The following MARCHF11 variants were observed in gnomAD, a reference collection of about 807,000 sequenced individuals.
MARCHF11 encodes E3 ubiquitin-protein ligase MARCHF11.
In MARCHF11, 29 loss-of-function variants were observed where a neutral mutation model predicts 37.3. That is an observed-to-expected ratio of 0.78 (90% CI 0.58 to 1.06). MARCHF11 has a LOEUF of 1.06. MARCHF11 is among the 50% of genes least tolerant of loss of function. The pLI, the probability that MARCHF11 is intolerant of heterozygous loss-of-function variation, is 0.00. For missense variants in MARCHF11, 482 were observed against 533.4 expected, an observed-to-expected ratio of 0.90 and a Z score of 0.95; for synonymous variants, 233 against 228.0, an observed-to-expected ratio of 1.02 and a Z score of -0.20.
At chr5:16,146,513 G>A (rs1204621333) in intron 2 of MARCHF11, among the ~76,000 whole-genome samples, 1 of 152,104 alleles carries the variant, frequency 6.6e-6, no homozygotes, top group Non-Finnish European at 1.5e-5. Flanking sequence ...ACAGTAGAAA[G>A]ACCCTGGGAC....
intron 2 of MARCHF11, among the ~76,000 whole-genome samples, chr5:16,104,378 T>C (rs1409085709): frequency 2.6e-5 from 4 of 152,174 alleles, no homozygotes; most frequent in Non-Finnish European, 4.4e-5. Context: ...TAAAATATTC[T>C]ATAACTGTGT....
At chr5:16,101,454 C>G (rs1560974948) in intron 2 of MARCHF11, among the ~76,000 whole-genome samples, 1 of 152,184 alleles carries the variant, frequency 6.6e-6, no homozygotes, top group Non-Finnish European at 1.5e-5. Context: ...TGTCTCATAA[C>G]AAAAGCAGGT....
intron 2 of MARCHF11, among the ~76,000 whole-genome samples, chr5:16,128,515 G>A (rs974581124): frequency 1.3e-5 from 2 of 152,152 alleles, no homozygotes; most frequent in African/African-American, 4.8e-5. Flanking sequence ...GATGGGGAAG[G>A]GTTTAAAGTT....
rs1736363204 is a variant in MARCHF11 at position 16,067,241 on chromosome 5, T to C, written c.*230A>G. The C allele has an allele frequency of 2.2e-6, 1 of 460,854 alleles. No homozygotes were observed. Among genetic ancestry groups the C allele is most frequent in the African/African-American group, 2.0e-5 (1 of 50,802 alleles). The allele number at this position is 460,854 out of a possible 1,614,324, so 28.5% of individuals were successfully genotyped here. ...TAACCAAGTATAGTTAAATTATATG[T>C]ATAATGATTTCAAGTACCAACTTAT... On this transcript the variant is annotated 3_prime_UTR_variant, in exon 4 of 4. Transcript: ENST00000332432.
At chr5:16,144,658 T>C (rs1737772440) in intron 2 of MARCHF11, among the ~76,000 whole-genome samples, 1 of 152,110 alleles carries the variant, frequency 6.6e-6, no homozygotes, top group African/African-American at 2.4e-5. Flanking sequence ...CAGATATGAG[T>C]CACATGGCTC....
chr5:16,122,175 A>C (rs1211060629), intron 2 of MARCHF11, among the ~76,000 whole-genome samples: 1 of 152,176 alleles, frequency 6.6e-6, no homozygotes, highest in African/African-American at 2.4e-5. Flanking sequence ...CCAATGCCTT[A>C]TTCAGAAATT....
intron 2 of MARCHF11, among the ~76,000 whole-genome samples, chr5:16,109,117 C>CACAT (rs1310809748): frequency 1.6e-4 from 25 of 151,736 alleles, no homozygotes; most frequent in African/African-American, 6.0e-4. Flanking sequence ...CACACACACA[C>CACAT]ACACACACAC....
chr5:16,162,083 T>C (rs1289074699), intron 2 of MARCHF11, among the ~76,000 whole-genome samples: 3 of 152,190 alleles, frequency 2.0e-5, no homozygotes, highest in African/African-American at 7.2e-5. Flanking sequence ...TTTGAAATCC[T>C]AATGCTTTGA....
intron 1 of MARCHF11, 41 bp downstream of exon 1, chr5:16,178,998 G>A: frequency 7.2e-7 from 1 of 1,390,026 alleles, no homozygotes; most frequent in Non-Finnish European, 9.3e-7. Context: ...GGCGCGAGCT[G>A]GAGCCGCCAC....
intron 1 of MARCHF11, 68 bp from the exon 2 acceptor site, chr5:16,177,949 T>C: frequency 6.9e-7 from 1 of 1,447,712 alleles, no homozygotes; most frequent in South Asian, 1.5e-5. Context: ...TAATGCTTCC[T>C]TTCTTTTCTT....
At chr5:16,103,853 G>A (rs553654281) in intron 2 of MARCHF11, among the ~76,000 whole-genome samples, 234 of 152,116 alleles carry the variant, frequency 1.5e-3, no homozygotes, top group Non-Finnish European at 2.9e-3. Context: ...CAGATGAGAC[G>A]CCATGTGGAG....
intron 2 of MARCHF11, among the ~76,000 whole-genome samples, chr5:16,157,011 C>G (rs938180812): frequency 6.6e-6 from 1 of 151,874 alleles, no homozygotes; most frequent in African/African-American, 2.4e-5. Flanking sequence ...AATTAATATG[C>G]TCTACATTTT....
intron 2 of MARCHF11, among the ~76,000 whole-genome samples, chr5:16,144,739 A>C (rs963228288): frequency 8.5e-5 from 13 of 152,198 alleles, no homozygotes; most frequent in African/African-American, 2.9e-4. Flanking sequence ...TAAGTATATC[A>C]CTTCACAGTG....
At chr5:16,093,322 A>G (rs1224576885) in intron 2 of MARCHF11, among the ~76,000 whole-genome samples, 2 of 152,198 alleles carry the variant, frequency 1.3e-5, no homozygotes, top group Admixed American at 6.5e-5. Flanking sequence ...GTAAATTTGA[A>G]TAGCTCAAAA....
intron 2 of MARCHF11, among the ~76,000 whole-genome samples, chr5:16,139,499 A>T (rs796384790): frequency 1.3e-5 from 2 of 152,318 alleles, no homozygotes; most frequent in African/African-American, 4.8e-5. Context: ...TATGTAAGGA[A>T]CATCTAAAAT....
In MARCHF11 at chr5:16,090,915, T is replaced by C. The variant is rs762235336; in HGVS notation, c.860A>G (p.Tyr287Cys). The change falls in exon 3 of 4, where the codon TAT (tyrosine) becomes TGT (cysteine). Residue 287 changes from tyrosine (Y) to cysteine (C), a missense_variant. Tyr to Cys is a radical substitution (Grantham distance 194). Coordinates refer to ENST00000332432, the MANE Select transcript of MARCHF11 (RefSeq NM_001102562.3). Reference protein sequence around the residue: ...DILFQICYGMYGFMDLVCIGL... With the variant: ...DILFQICYGMCGFMDLVCIGL... ...TATGCACACTAGATCCATAAAACCA[T>C]ACATTCCATAGCAGATCTGAAAAAG... 1.9e-6 allele frequency: 3 copies of C among 1,607,570 alleles called. No individual in the cohort carries two copies. Among genetic ancestry groups the C allele is most frequent in the Non-Finnish European group, 2.5e-6 (3 of 1,177,700 alleles).
chr5:16,148,778 A>C (rs80051610), intron 2 of MARCHF11, among the ~76,000 whole-genome samples: 4,915 of 152,198 alleles, frequency 0.032, 286 homozygotes, highest in African/African-American at 0.11. Context: ...AAAAATCTTA[A>C]AGAGACTGAG....
chr5:16,143,967 T>C (rs998739266), intron 2 of MARCHF11, among the ~76,000 whole-genome samples: 19 of 152,346 alleles, frequency 1.2e-4, no homozygotes, highest in African/African-American at 4.6e-4. Context: ...GCCGTGATGA[T>C]GCTCACTCCA....
intron 2 of MARCHF11, among the ~76,000 whole-genome samples, chr5:16,150,391 A>G (rs1276683701): frequency 6.7e-6 from 1 of 149,292 alleles, no homozygotes; most frequent in African/African-American, 2.6e-5. Context: ...AAATCCAAAA[A>G]TCAATCCACC....
Sources: gnomAD v4.1 joint callset for allele counts (sites outside exome capture counted in the v4.1 genomes callset) on GRCh38, gnomAD v4.1.1 for gene constraint, MANE v1.5 for transcripts, NCBI Gene and HGNC (gene_info 2026-07-23, HGNC 2026-07-21) for gene names.